Variants in KIAA1671 observed in about 807,000 individuals in gnomAD.
KIAA1671 encodes uncharacterized protein KIAA1671.
A neutral mutation model predicts 131.2 loss-of-function variants in KIAA1671; 52 were observed. The ratio of observed to expected loss-of-function variants is 0.40; its 90% CI spans 0.32 to 0.50. The LOEUF is 0.50. Ranked by LOEUF, KIAA1671 falls within the 20% of genes least tolerant of loss-of-function variation. KIAA1671 has a pLI of 0.73. For synonymous variants in KIAA1671, 1,003 were observed against 961.6 expected, an observed-to-expected ratio of 1.04 and a Z score of -0.80; for missense variants, 2,360 against 2,364.2, an observed-to-expected ratio of 1.00 and a Z score of 0.04.
At chr22:25,179,000 G>C (rs551671256) in intron 9 of KIAA1671, among the ~76,000 whole-genome samples, 1 of 152,218 alleles carries the variant, frequency 6.6e-6, no homozygotes, top group African/African-American at 2.4e-5. Context: ...GCGATCCCAC[G>C]CCACCGCCCT....
Position 25,187,622 on chromosome 22 carries a change from C to T in KIAA1671, c.5342+2503C>T, listed in dbSNP as rs188294002. Among the ~76,000 whole-genome samples the T allele has an allele frequency of 1.9e-3, 290 of 152,248 alleles. 1 individual carries two copies. Among genetic ancestry groups the T allele is most frequent in the African/African-American group, 6.7e-3 (277 of 41,552 alleles). On this transcript the variant is annotated intron_variant, in intron 11 of 12. Coordinates refer to ENST00000358431, the MANE Select transcript of KIAA1671 (RefSeq NM_001145206.2). ...CCCCAGTCTCAGGTGAATCCTCCCA[C>T]CTCAGCCTCCATGAGTGGCTGGAAC... is the stretch of plus-strand genomic sequence containing the variant.
intron 1 of KIAA1671, among the ~76,000 whole-genome samples, chr22:24,983,220 G>A (rs1923324507): frequency 6.6e-6 from 1 of 152,100 alleles, no homozygotes; most frequent in Non-Finnish European, 1.5e-5. Flanking sequence ...TCACAATCTG[G>A]GTGGTTTCAA....
intron 6 of KIAA1671, among the ~76,000 whole-genome samples, chr22:25,106,333 A>T (rs1300690052): frequency 6.6e-6 from 1 of 152,182 alleles, no homozygotes; most frequent in Non-Finnish European, 1.5e-5. Flanking sequence ...GGCTGTGGGC[A>T]TCTGGACATA....
intron 6 of KIAA1671, among the ~76,000 whole-genome samples, chr22:25,071,040 T>C (rs1264230602): frequency 6.6e-6 from 1 of 152,220 alleles, no homozygotes; most frequent in Non-Finnish European, 1.5e-5. Flanking sequence ...ACTTCGCAAC[T>C]GGTCTGTTTT....
chr22:25,022,498 T>C (rs1378486888), intron 1 of KIAA1671: 1 of 152,200 alleles, frequency 6.6e-6, no homozygotes, highest in Non-Finnish European at 1.5e-5. Context: ...AAATGAATGC[T>C]TTCGAATGAC....
chr22:25,113,467 C>T (rs1931489494), intron 6 of KIAA1671, among the ~76,000 whole-genome samples: 1 of 152,166 alleles, frequency 6.6e-6, no homozygotes, highest in Non-Finnish European at 1.5e-5. Flanking sequence ...TTTCTGGGTT[C>T]CTCCTAGCCA....
rs938889117 is a variant in KIAA1671 at position 25,192,607 on chromosome 22, G to A, written c.*206G>A. The A allele has an allele frequency of 2.0e-5, 3 of 152,246 alleles. No individual in the cohort carries two copies. The highest frequency in any genetic ancestry group is 4.4e-5 in the Non-Finnish European group (3 of 68,066). 9.4% of individuals were successfully genotyped at this position (152,246 alleles called of 1,614,324 possible). ...GAAGACCCAACCTCCAGGAGCACTC[G>A]CTCATCTCCCCAGACAGCACTTCAG... On this transcript the variant is annotated 3_prime_UTR_variant, in exon 13 of 13. Transcript: ENST00000358431.
intron 6 of KIAA1671, 84 bp from the exon 7 acceptor site, chr22:25,170,736 T>C (rs1933817836): frequency 2.2e-6 from 3 of 1,351,576 alleles, no homozygotes; most frequent in Non-Finnish European, 2.1e-6. Flanking sequence ...CTGGGGGCCA[T>C]GCGATCTGAT....
intron 6 of KIAA1671, chr22:25,052,875 C>T (rs9612841): frequency 0.18 from 27,208 of 152,120 alleles, 2,977 homozygotes; most frequent in Middle Eastern, 0.27. Flanking sequence ...CACCACCACA[C>T]CAGGCTGATT....
chr22:25,195,526 C>A lies in KIAA1671; in HGVS notation c.*3125C>A, dbSNP rs1208456639. ...ACGCGCCAAATCATGTGGTTTCAGA[C>A]AATTGTGTTTGCCTTTGTGCCTCCC... On this transcript the variant is annotated 3_prime_UTR_variant, in exon 13 of 13. Transcript: ENST00000358431. 6.6e-6 allele frequency: 1 copy of A among 152,086 alleles called. No homozygotes were observed. The highest frequency in any genetic ancestry group is 1.5e-5 in the Non-Finnish European group (1 of 68,022). 9.4% of individuals were successfully genotyped at this position (152,086 alleles called of 1,614,324 possible). A position where few individuals can be genotyped will look rare whatever the true frequency, so the allele number is the denominator to read the frequency against.
chr22:25,070,912 C>A (rs1214466922), intron 6 of KIAA1671, among the ~76,000 whole-genome samples: 1 of 152,212 alleles, frequency 6.6e-6, no homozygotes, highest in African/African-American at 2.4e-5. Flanking sequence ...TCACACTGTG[C>A]TGTCTCCTCT....
chr22:25,092,364 A>C (rs1930064043), intron 6 of KIAA1671, among the ~76,000 whole-genome samples: 1 of 152,198 alleles, frequency 6.6e-6, no homozygotes. Flanking sequence ...ACAAGCTGAG[A>C]CAGGTTGAGG....
At chr22:25,182,938 C>T (rs1934341828) in intron 10 of KIAA1671, among the ~76,000 whole-genome samples, 1 of 152,198 alleles carries the variant, frequency 6.6e-6, no homozygotes, top group African/African-American at 2.4e-5. Flanking sequence ...ACCAGAATGC[C>T]AACTGTATTA....
chr22:25,124,288 C>T (rs186177996), intron 6 of KIAA1671, among the ~76,000 whole-genome samples: 38 of 152,332 alleles, frequency 2.5e-4, no homozygotes, highest in African/African-American at 8.4e-4. Flanking sequence ...GGCTTTTCTC[C>T]AGCATCAGTT....
chr22:25,068,179 T>C (rs1409101242), intron 6 of KIAA1671, among the ~76,000 whole-genome samples: 2 of 147,960 alleles, frequency 1.4e-5, no homozygotes, highest in Non-Finnish European at 3.0e-5. Flanking sequence ...GACTGTGCCG[T>C]CAGGGAGCAG....
intron 6 of KIAA1671, among the ~76,000 whole-genome samples, chr22:25,076,308 T>C (rs949409714): frequency 1.3e-5 from 2 of 152,100 alleles, no homozygotes; most frequent in African/African-American, 2.4e-5. Context: ...CAGGTGTTTA[T>C]TGTATGCATA....
chr22:25,051,131 C>T (rs1805205234), intron 6 of KIAA1671: 1 of 152,386 alleles, frequency 6.6e-6, no homozygotes, highest in African/African-American at 2.4e-5. Context: ...TTCCTCTCCT[C>T]AGAGGTAGGT....
intron 5 of KIAA1671, among the ~76,000 whole-genome samples, chr22:25,047,049 C>T (rs1043472432): frequency 6.0e-5 from 9 of 151,152 alleles, no homozygotes; most frequent in African/African-American, 2.2e-4. Flanking sequence ...TGGCTCACTG[C>T]GGCCTCAACC....
At chr22:25,116,939 T>TA (rs1601329795) in intron 6 of KIAA1671, among the ~76,000 whole-genome samples, 2 of 152,180 alleles carry the variant, frequency 1.3e-5, no homozygotes, top group Non-Finnish European at 2.9e-5. Flanking sequence ...TGCTGTATAT[T>TA]AGAGTTTCTC....
Sources: gnomAD v4.1 joint callset for allele counts (sites outside exome capture counted in the v4.1 genomes callset) on GRCh38, gnomAD v4.1.1 for gene constraint, MANE v1.5 for transcripts, NCBI Gene and HGNC (gene_info 2026-07-23, HGNC 2026-07-21) for gene names.